Variants in PC observed in about 807,000 individuals in gnomAD.
The protein encoded by PC is pyruvate carboxylase.
Under a neutral mutation model 107.8 loss-of-function variants are expected in PC, and 46 were observed. The observed-to-expected ratio is 0.43, with a 90% confidence interval of 0.34 to 0.55. The LOEUF is 0.55. PC is among the 20% of genes least tolerant of loss of function. The pLI is 0.04. For synonymous variants in PC, 662 were observed against 684.7 expected (o/e 0.97, Z 0.52); for missense variants, 1,241 against 1,643.1 (o/e 0.76, Z 4.23).
chr11:66,904,198 C>T (rs1403399254), intron 3 of PC, among the ~76,000 whole-genome samples: 6 of 152,082 alleles, frequency 3.9e-5, no homozygotes, highest in African/African-American at 1.2e-4. Flanking sequence ...TTCCTGATCT[C>T]CTGCCCCACC....
chr11:66,863,978 A>T, intron 11 of PC, 22 bp from the exon 12 acceptor site: 1 of 1,613,100 alleles, frequency 6.2e-7, no homozygotes, highest in Non-Finnish European at 8.5e-7. Flanking sequence ...GTGAGGCGTG[A>T]GGACCTGCGC....
At chr11:66,898,666 C>A (rs1028132490) in intron 3 of PC, among the ~76,000 whole-genome samples, 1 of 152,110 alleles carries the variant, frequency 6.6e-6, no homozygotes, top group Non-Finnish European at 1.5e-5. Flanking sequence ...GGCGACAGAG[C>A]AAGACTCTGT....
At position 66,849,711 on chromosome 11, in the gene PC, A is replaced by G; in HGVS notation, c.3047T>C (p.Val1016Ala). 6.2e-7 allele frequency: 1 copy of G among 1,614,200 alleles called. No individual in the cohort carries two copies. Among genetic ancestry groups the G allele is most frequent in the Non-Finnish European group, 8.5e-7 (1 of 1,180,028 alleles). The change falls in exon 21 of 23, where the codon GTG becomes GCG. Residue 1016 changes from valine (V) to alanine (A), a missense_variant. Val to Ala is a moderately conservative substitution (Grantham distance 64). Around this residue, in one of 2 missense-constraint regions of PC, gnomAD observed 1,143 missense variants for 1,551.9 expected, o/e 0.74. Coordinates refer to ENST00000393960, the MANE Select transcript of PC (RefSeq NM_001040716.2). ...AGTGAAGTCCTTGAAGTGGGCAAAC[A>G]CATCGGGGTACATAGCTGCTGAGAG... is the stretch of plus-strand genomic sequence containing the variant. ...DVLSAAMYPDVFAHFKDFTAT... is the reference protein window; with the variant it reads ...DVLSAAMYPDAFAHFKDFTAT...
chr11:66,868,900 A>T lies in PC; in HGVS notation c.968T>A (p.Ile323Asn). ...LVDRHGKHYF[I>N]EVNSRLQVEH... is the part of the protein sequence containing the mutation. ...CACCTGCAGGCGGGAGTTGACCTCG[A>T]TGAAGTAGTGCTTGCCGTGCCTGTC... Residue 323 changes from isoleucine to asparagine, a missense_variant, in exon 10 of 23, where the codon ATC becomes AAC. Transcript: ENST00000393960. 1 of 1,613,856 alleles carries T rather than the reference A, an allele frequency of 6.2e-7. No individual in the cohort carries two copies. The highest frequency in any genetic ancestry group is 8.5e-7 in the Non-Finnish European group (1 of 1,179,996).
At position 66,849,860 on chromosome 11, in the gene PC, C is replaced by T. The variant is rs777521008; in HGVS notation, c.2899-1G>A. On this transcript the variant is annotated splice_acceptor_variant, in intron 20 of 22. Coordinates refer to ENST00000393960, the MANE Select transcript of PC (RefSeq NM_001040716.2). LOFTEE classifies it high-confidence loss of function. The stretch of plus-strand genomic sequence containing the variant: ...CCACCCTTGGCAGGTCCTTCAGTAC[C>T]TGGGGAGCAAAGCAGAGGATCAGTC... The T allele has an allele frequency of 1.2e-6, 2 of 1,613,746 alleles. No homozygotes were observed. The highest frequency in any genetic ancestry group is 2.2e-5 in the East Asian group (1 of 44,876).
chr11:66,869,128 G>A (rs371079749), intron 9 of PC, among the ~76,000 whole-genome samples, 164 bp from the exon 10 acceptor site: 332 of 152,278 alleles, frequency 2.2e-3, no homozygotes, highest in African/African-American at 7.4e-3. Flanking sequence ...CAGGGCCCAG[G>A]TCATGCTCCT....
At chr11:66,932,894 T>C (rs538425674) in intron 3 of PC, among the ~76,000 whole-genome samples, 1 of 152,292 alleles carries the variant, frequency 6.6e-6, no homozygotes, top group African/African-American at 2.4e-5. Context: ...CACCAGGAAC[T>C]ATGAATATCA....
chr11:66,879,526 G>A (rs1947111364), intron 3 of PC, among the ~76,000 whole-genome samples: 1 of 152,220 alleles, frequency 6.6e-6, no homozygotes. Flanking sequence ...GCCACAGACA[G>A]CTGCTCTTCT....
intron 3 of PC, among the ~76,000 whole-genome samples, chr11:66,908,196 G>A (rs1948224297): frequency 6.6e-6 from 1 of 152,216 alleles, no homozygotes; most frequent in African/African-American, 2.4e-5. Flanking sequence ...AGCCAGGAGA[G>A]AGACAGGGCA....
At chr11:66,859,132 G>A (rs763452518) in intron 12 of PC, 24 of 1,472,518 alleles carry the variant, frequency 1.6e-5, no homozygotes, top group African/African-American at 2.9e-5. Flanking sequence ...CACTCCCGGC[G>A]CCCTTCCTCC....
At chr11:66,913,344 T>G (rs1201434462) in intron 3 of PC, among the ~76,000 whole-genome samples, 1 of 151,752 alleles carries the variant, frequency 6.6e-6, no homozygotes, top group Non-Finnish European at 1.5e-5. Context: ...TCAAAATTAG[T>G]GCATCAGCAC....
intron 3 of PC, among the ~76,000 whole-genome samples, chr11:66,943,755 CAAAAAAAAAAAAAAAAAA>C (rs34245785): frequency 1.7e-4 from 3 of 17,580 alleles, no homozygotes; most frequent in Non-Finnish European, 2.8e-4. Context: ...GACTCCGGCT[CAAAAAAAAAAAAAAAAAA>C]AAAAAAAAAA....
At chr11:66,853,795 G>A (rs1001084128) in intron 12 of PC, among the ~76,000 whole-genome samples, 13 of 152,294 alleles carry the variant, frequency 8.5e-5, no homozygotes, top group South Asian at 2.1e-4. Flanking sequence ...TGAGTCCAGC[G>A]GGCATGCTCC....
chr11:66,856,690 G>A (rs927159118), intron 12 of PC: 2 of 152,620 alleles, frequency 1.3e-5, no homozygotes, highest in Non-Finnish European at 2.9e-5. Context: ...GTTGGGGAGG[G>A]TGCCCAGCGA....
intron 20 of PC, 37 bp downstream of exon 20, chr11:66,849,900 C>T (rs1268008579): frequency 1.2e-6 from 2 of 1,613,618 alleles, no homozygotes; most frequent in Non-Finnish European, 1.7e-6. Flanking sequence ...GTCCTGCATC[C>T]AGCCCCCACC....
chr11:66,928,813 C>T (rs1317812479), intron 3 of PC, among the ~76,000 whole-genome samples: 1 of 152,118 alleles, frequency 6.6e-6, no homozygotes, highest in East Asian at 1.9e-4. Context: ...GCATGAGCCA[C>T]CGTGCCTGGC....
chr11:66,866,273 T>C lies in PC; in HGVS notation c.1099A>G (p.Ile367Val). The change falls in exon 11 of 23, where the codon ATC becomes GTC. Residue 367 changes from isoleucine to valine, a missense_variant. By Grantham distance (29) the Ile-to-Val change is conservative. Around this residue, in one of 2 missense-constraint regions of PC, gnomAD observed 1,143 missense variants for 1,551.9 expected, o/e 0.74. Transcript: ENST00000393960. The surrounding 1 kb of genome is among the most constrained non-coding windows in gnomAD (Gnocchi z 5.4). ...TGGATGGCACACCCGTTGATGCGGA[T>C]GTTCTCCTGCCGCAGGCCCAGGTCG... Reference protein sequence around the residue: ...LPDLGLRQENIRINGCAIQCR... With the variant: ...LPDLGLRQENVRINGCAIQCR... 1 of 1,612,918 alleles carries C rather than the reference T, an allele frequency of 6.2e-7. No homozygotes were observed. The highest frequency in any genetic ancestry group is 8.5e-7 in the Non-Finnish European group (1 of 1,179,844).
At chr11:66,891,042 T>C (rs1947555891) in intron 3 of PC, among the ~76,000 whole-genome samples, 1 of 152,038 alleles carries the variant, frequency 6.6e-6, no homozygotes, top group Non-Finnish European at 1.5e-5. Flanking sequence ...CGTCAGACAA[T>C]AGGCATGGGG....
intron 3 of PC, among the ~76,000 whole-genome samples, chr11:66,946,204 CAT>C (rs1011989250): frequency 4.7e-5 from 7 of 150,440 alleles, no homozygotes; most frequent in Non-Finnish European, 1.0e-4. Context: ...CCAATTAAAA[CAT>C]GTAACTGAGG....
Sources: allele counts gnomAD v4.1 joint callset (sites outside exome capture counted in the v4.1 genomes callset), GRCh38; gene constraint gnomAD v4.1.1; regional missense constraint gnomAD v4.1.1; non-coding constraint Gnocchi (gnomAD v3.1); transcripts MANE v1.5; gene names NCBI Gene and HGNC (gene_info 2026-07-23, HGNC 2026-07-21).